The following CMIP variants were observed in gnomAD, a reference collection of about 807,000 sequenced individuals.
CMIP encodes the protein C-Maf-inducing protein.
A neutral mutation model predicts 97.3 loss-of-function variants in CMIP; 13 were observed. The ratio of observed to expected loss-of-function variants is 0.13; its 90% CI spans 0.09 to 0.21. The LOEUF (loss-of-function observed/expected upper bound fraction) is 0.21. CMIP is among the 10% of genes least tolerant of loss of function. The pLI is 1.00. For synonymous variants in CMIP, 538 were observed against 436.3 expected (o/e 1.23, Z -2.91); for missense variants, 847 against 1,024.9 (o/e 0.83, Z 2.37).
At chr16:81,527,469 T>A (rs781013351) in intron 1 of CMIP, among the ~76,000 whole-genome samples, 94 of 152,336 alleles carry the variant, frequency 6.2e-4, no homozygotes, top group Middle Eastern at 6.8e-3. Flanking sequence ...ATTGAAGTAT[T>A]ACTTACTTTC....
chr16:81,661,458 C>G (rs1038527446), intron 6 of CMIP, among the ~76,000 whole-genome samples: 7 of 152,248 alleles, frequency 4.6e-5, no homozygotes, highest in Admixed American at 1.3e-4. Context: ...TCAGGCCGAA[C>G]CATCACACAA....
chr16:81,680,983 C>T (rs1904817605), intron 10 of CMIP, among the ~76,000 whole-genome samples: 1 of 152,198 alleles, frequency 6.6e-6, no homozygotes, highest in Non-Finnish European at 1.5e-5. Flanking sequence ...TGAATGGGGG[C>T]TCTGTTCTCC....
chr16:81,546,774 A>G (rs1567571716), intron 1 of CMIP, among the ~76,000 whole-genome samples: 1 of 152,098 alleles, frequency 6.6e-6, no homozygotes, highest in Non-Finnish European at 1.5e-5. Flanking sequence ...ATCCCTCTAG[A>G]CCTGTGCTGG....
intron 3 of CMIP, among the ~76,000 whole-genome samples, chr16:81,626,512 T>C (rs1364636451): frequency 6.8e-6 from 1 of 147,030 alleles, no homozygotes; most frequent in Non-Finnish European, 1.5e-5. Flanking sequence ...TGACTGAGCA[T>C]GTGTGTGTGT....
chr16:81,544,443 T>TGC (rs560366354), intron 1 of CMIP, among the ~76,000 whole-genome samples: 52 of 152,012 alleles, frequency 3.4e-4, no homozygotes, highest in Middle Eastern at 3.4e-3. Context: ...TGTGTGTGTG[T>TGC]GCGCGCACAC....
rs553509266 is a variant in CMIP, at chr16:81,651,022, A to G, written c.478-1181A>G. 4.6e-5 allele frequency among the ~76,000 whole-genome samples: 7 copies of G among 152,246 alleles called. No individual in the cohort carries two copies. The South Asian group carries it at 1.5e-3, about 32-fold the overall frequency. On this transcript the variant is annotated intron_variant, in intron 3 of 20. Transcript: ENST00000537098. ...TAGCTCAGAAACTCAGCGGTCAGGG[A>G]GGCTCTGGCAGCTTCTAAGTTTCTG... is the stretch of plus-strand genomic sequence containing the variant.
chr16:81,640,673 C>T (rs1446817741), intron 3 of CMIP, among the ~76,000 whole-genome samples: 3 of 151,808 alleles, frequency 2.0e-5, no homozygotes, highest in Non-Finnish European at 4.4e-5. Context: ...CTGATGGTGT[C>T]CGGCTATCCT....
chr16:81,626,788 A>AGAGT (rs1555540018), intron 3 of CMIP, among the ~76,000 whole-genome samples: 3 of 63,106 alleles, frequency 4.8e-5, no homozygotes, highest in Non-Finnish European at 6.7e-5. Context: ...AGAGAGAGAG[A>AGAGT]GTGTGTGTGT....
At chr16:81,590,823 TCATC>T (rs79228744) in intron 1 of CMIP, among the ~76,000 whole-genome samples, 32,832 of 150,524 alleles carry the variant, frequency 0.22, 3,651 homozygotes, top group Admixed American at 0.27. Context: ...TCACTTTCTC[TCATC>T]CATCCATCCA....
chr16:81,494,407 C>T (rs867837142), intron 1 of CMIP, among the ~76,000 whole-genome samples: 10 of 152,200 alleles, frequency 6.6e-5, no homozygotes, highest in Admixed American at 5.2e-4. Flanking sequence ...AAAGAAGGCA[C>T]GTGGCTGTGC....
intron 1 of CMIP, among the ~76,000 whole-genome samples, chr16:81,578,233 T>G (rs573608482): frequency 1.5e-4 from 23 of 152,258 alleles, no homozygotes; most frequent in African/African-American, 4.8e-4. Context: ...ACCATCACCT[T>G]CATCACCACC....
chr16:81,640,770 GTCTC>G (rs1555542721), intron 3 of CMIP, among the ~76,000 whole-genome samples: 1 of 135,592 alleles, frequency 7.4e-6, no homozygotes, highest in Non-Finnish European at 1.6e-5. Flanking sequence ...GTGTGTGTGT[GTCTC>G]TCTCTCTCTC....
intron 7 of CMIP, chr16:81,666,916 A>C (rs1026949339): frequency 9.3e-5 from 14 of 150,918 alleles, no homozygotes; most frequent in Non-Finnish European, 2.1e-4. Flanking sequence ...CTGATGCTTA[A>C]TGAGTGGCAC....
intron 10 of CMIP, among the ~76,000 whole-genome samples, chr16:81,686,852 G>C (rs1250155860): frequency 6.6e-6 from 1 of 152,194 alleles, no homozygotes; most frequent in Non-Finnish European, 1.5e-5. Flanking sequence ...GATACACAGT[G>C]TATCTGTGGT....
chr16:81,620,845 G>A (rs754792939), intron 2 of CMIP, 31 bp from the exon 3 acceptor site: 250 of 1,613,394 alleles, frequency 1.5e-4, no homozygotes, highest in East Asian at 2.0e-4. Context: ...GCTGATGACC[G>A]GACCTTGCTG....
intron 1 of CMIP, chr16:81,519,881 CG>C (rs1411033368): frequency 6.6e-6 from 1 of 152,252 alleles, no homozygotes; most frequent in East Asian, 1.9e-4. Context: ...TGAATGGCGA[CG>C]AATGGGAAGT....
chr16:81,643,611 GTGA>G (rs2092331189), intron 3 of CMIP, among the ~76,000 whole-genome samples: 2 of 152,176 alleles, frequency 1.3e-5, no homozygotes, highest in African/African-American at 4.8e-5. Flanking sequence ...CCAACATGGT[GTGA>G]AACCCCATCT....
At chr16:81,694,166 G>A (rs1038149985) in intron 13 of CMIP, among the ~76,000 whole-genome samples, 1 of 152,206 alleles carries the variant, frequency 6.6e-6, no homozygotes, top group Admixed American at 6.5e-5. Context: ...GTGTTGCGCG[G>A]CTGGTCCACG....
intron 17 of CMIP, 48 bp from the exon 18 acceptor site, chr16:81,703,891 C>G: frequency 6.4e-7 from 1 of 1,556,826 alleles, no homozygotes; most frequent in South Asian, 1.2e-5. Context: ...CTCAGGGTCT[C>G]GGGAACTCCC....
Sources: allele counts gnomAD v4.1 joint callset (sites outside exome capture counted in the v4.1 genomes callset), GRCh38; gene constraint gnomAD v4.1.1; transcripts MANE v1.5; gene names NCBI Gene and HGNC (gene_info 2026-07-23, HGNC 2026-07-21).